Variants in DERA observed in about 807,000 individuals in gnomAD.
The protein encoded by DERA is deoxyribose-phosphate aldolase.
DERA carries 15 observed loss-of-function variants against 41.1 expected under a neutral mutation model. That is an observed-to-expected ratio of 0.37 (90% CI 0.24 to 0.56). DERA has a LOEUF of 0.56. DERA is among the 20% of genes least tolerant of loss of function. The pLI, the probability that DERA is intolerant of heterozygous loss-of-function variation, is 0.81. For missense variants in DERA, 396 were observed against 403.4 expected (o/e 0.98, Z 0.16); for synonymous variants, 139 against 137.4 (o/e 1.01, Z -0.08).
Position 15,935,013 on chromosome 12 carries a change from C to T in DERA, c.32-21923C>T, listed in dbSNP as rs1948355016. Among the ~76,000 whole-genome samples the T allele has an allele frequency of 6.6e-6, 1 of 152,116 alleles. No individual in the cohort carries two copies. Among genetic ancestry groups the T allele is most frequent in the Admixed American group, 6.6e-5 (1 of 15,262 alleles). On this transcript the variant is annotated intron_variant, in intron 1 of 8. Transcript: ENST00000428559. This position sits in a 1 kb window ranked among gnomAD's most constrained non-coding sequence, Gnocchi z 4.8. ...AGAGAGGTCAGTCATTGGTTGACAC[C>T]ACTTTTTTTATAGCAAATATTTCCA...
rs1365337438 is a variant in DERA at position 15,994,508 on chromosome 12, C to T, written c.637+12072C>T. Among the ~76,000 whole-genome samples the T allele has an allele frequency of 6.6e-6, 1 of 152,200 alleles. No homozygotes were observed. Among genetic ancestry groups the T allele is most frequent in the Non-Finnish European group, 1.5e-5 (1 of 68,038 alleles). On this transcript the variant is annotated intron_variant, in intron 6 of 8. Coordinates refer to ENST00000428559, the MANE Select transcript of DERA (RefSeq NM_015954.4). This position sits in a 1 kb window ranked among gnomAD's most constrained non-coding sequence, Gnocchi z 4.8. ...TCGTTCTGTCGCCCAGGCTGGAGTG[C>T]AGTGGCGCGATCTCTGCTCACTGCA...
intron 5 of DERA, among the ~76,000 whole-genome samples, chr12:15,974,616 T>G (rs751166573): frequency 4.6e-5 from 7 of 152,214 alleles, no homozygotes; most frequent in Non-Finnish European, 7.3e-5. Flanking sequence ...TTCTGCCAAG[T>G]TTCTCCATTG....
In DERA at chr12:15,989,986, G is replaced by A. The variant is rs1484041581; in HGVS notation, c.637+7550G>A. The stretch of plus-strand genomic sequence containing the variant: ...TCTGTCTTGCATATTTTGTGACCTT[G>A]AACAAATAAATTAATCTGGTTATCA... On this transcript the variant is annotated intron_variant, in intron 6 of 8. Coordinates refer to ENST00000428559, the MANE Select transcript of DERA (RefSeq NM_015954.4). This position sits in a 1 kb window ranked among gnomAD's most constrained non-coding sequence, Gnocchi z 5.2. Among the ~76,000 whole-genome samples, 1 of 152,178 alleles carries A rather than the reference G, an allele frequency of 6.6e-6. No individual in the cohort carries two copies. Among genetic ancestry groups the A allele is most frequent in the African/African-American group, 2.4e-5 (1 of 41,440 alleles).
At position 15,957,267 on chromosome 12, in the gene DERA, G is replaced by T. The variant is rs780823124; in HGVS notation, c.129+234G>T. ...GAGTGGCAAAACCGCAAATGAATTT[G>T]AGGCATCTTTATTCATGAGTGAATT... On this transcript the variant is annotated intron_variant, in intron 2 of 8. Transcript: ENST00000428559. This position sits in a 1 kb window ranked among gnomAD's most constrained non-coding sequence, Gnocchi z 4.8. Among the ~76,000 whole-genome samples, 1 of 152,186 alleles carries T rather than the reference G, an allele frequency of 6.6e-6. No individual in the cohort carries two copies. Among genetic ancestry groups the T allele is most frequent in the Admixed American group, 6.5e-5 (1 of 15,288 alleles).
intron 1 of DERA, among the ~76,000 whole-genome samples, chr12:15,947,097 G>C (rs558253852): frequency 6.6e-6 from 1 of 151,398 alleles, no homozygotes; most frequent in Non-Finnish European, 1.5e-5. Context: ...GAGACAGTTT[G>C]TTATAATTTC....
chr12:15,933,964 A>C (rs967833596), intron 1 of DERA, among the ~76,000 whole-genome samples: 1 of 152,088 alleles, frequency 6.6e-6, no homozygotes, highest in Non-Finnish European at 1.5e-5. Context: ...CCTTTTTGTC[A>C]GTGATTGCCT....
At chr12:15,977,406 C>G (rs938482549) in intron 5 of DERA, among the ~76,000 whole-genome samples, 4 of 152,106 alleles carry the variant, frequency 2.6e-5, no homozygotes, top group Non-Finnish European at 4.4e-5. Flanking sequence ...TATAACTGAC[C>G]CACAGTAAGA....
At chr12:16,015,971 C>T (rs1222453091) in intron 6 of DERA, among the ~76,000 whole-genome samples, 1 of 151,988 alleles carries the variant, frequency 6.6e-6, no homozygotes, top group Admixed American at 6.5e-5. Flanking sequence ...ATAAAGTTTA[C>T]CCTTTAAACT....
At chr12:15,925,855 T>C (rs1948278560) in intron 1 of DERA, among the ~76,000 whole-genome samples, 1 of 121,388 alleles carries the variant, frequency 8.2e-6, no homozygotes, top group African/African-American at 3.3e-5. Flanking sequence ...TGAGACAGAG[T>C]CTTACTCTGT....
intron 1 of DERA, among the ~76,000 whole-genome samples, chr12:15,942,759 A>G (rs1015428838): frequency 6.0e-4 from 91 of 152,252 alleles, no homozygotes; most frequent in African/African-American, 2.0e-3. Context: ...AAGTAACACT[A>G]TTCACTGCAC....
chr12:15,996,243 A>C lies in DERA; in HGVS notation c.637+13807A>C, dbSNP rs1420232139. Among the ~76,000 whole-genome samples, 1 of 151,224 alleles carries C rather than the reference A, an allele frequency of 6.6e-6. No homozygotes were observed. Among genetic ancestry groups the C allele is most frequent in the African/African-American group, 2.4e-5 (1 of 41,182 alleles). ...TATACACAGGGCCCCAAAATATAGAAAACATGGGAAAAGAGGAGTGTATTA... is the reference window on the plus strand; with the variant it reads ...TATACACAGGGCCCCAAAATATAGACAACATGGGAAAAGAGGAGTGTATTA... On this transcript the variant is annotated intron_variant, in intron 6 of 8. Transcript: ENST00000428559. This position sits in a 1 kb window ranked among gnomAD's most constrained non-coding sequence, Gnocchi z 4.7.
intron 1 of DERA, among the ~76,000 whole-genome samples, chr12:15,926,759 A>AG (rs1948289285): frequency 6.6e-6 from 1 of 151,244 alleles, no homozygotes; most frequent in African/African-American, 2.4e-5. Context: ...AAAAAAAAAA[A>AG]AAGAAACAAG....
rs2136124890 is a variant in DERA, at chr12:15,921,626, T to C, written c.31+10212T>C. On this transcript the variant is annotated intron_variant, in intron 1 of 8. Coordinates refer to ENST00000428559, the MANE Select transcript of DERA (RefSeq NM_015954.4). The surrounding 1 kb of genome is among the most constrained non-coding windows in gnomAD (Gnocchi z 5.3). ...TAGCAAGAAACTTAAGTGCTTCTAATAATTTTCCAAAGAGGCCAGGCATGG... is the reference window on the plus strand; with the variant it reads ...TAGCAAGAAACTTAAGTGCTTCTAACAATTTTCCAAAGAGGCCAGGCATGG... 6.6e-6 allele frequency among the ~76,000 whole-genome samples: 1 copy of C among 152,196 alleles called. No homozygotes were observed. Among genetic ancestry groups the C allele is most frequent in the East Asian group, 1.9e-4 (1 of 5,176 alleles).
Position 15,970,856 on chromosome 12 carries a change from A to C in DERA, c.508+7909A>C, listed in dbSNP as rs1025034124. 6.6e-6 allele frequency among the ~76,000 whole-genome samples: 1 copy of C among 152,226 alleles called. No individual in the cohort carries two copies. Among genetic ancestry groups the C allele is most frequent in the Non-Finnish European group, 1.5e-5 (1 of 68,040 alleles). On this transcript the variant is annotated intron_variant, in intron 5 of 8. Transcript: ENST00000428559. This position sits in a 1 kb window ranked among gnomAD's most constrained non-coding sequence, Gnocchi z 4.3. ...CCACCAAAGCAACATGAAAAAACCT[A>C]ATGTCTAGTTTTAGCTTCTGGGGAT...
In DERA at chr12:15,967,420, TCAAA is replaced by T. The variant is rs534718853; in HGVS notation, c.508+4494_508+4497del. On this transcript the variant is annotated intron_variant, in intron 5 of 8. Transcript: ENST00000428559. This position sits in a 1 kb window ranked among gnomAD's most constrained non-coding sequence, Gnocchi z 4.9. ...CTGAGCAAGAGAGTGAGACCCTGTC[TCAAA>T]CAAACAAACAAACAAACAAAAACTA... Among the ~76,000 whole-genome samples, 6 of 152,134 alleles carry T rather than the reference TCAAA, an allele frequency of 3.9e-5. No individual in the cohort carries two copies. Among genetic ancestry groups the T allele is most frequent in the East Asian group, 1.9e-4 (1 of 5,188 alleles).
At chr12:15,945,858 G>T (rs1261037005) in intron 1 of DERA, among the ~76,000 whole-genome samples, 2 of 152,140 alleles carry the variant, frequency 1.3e-5, no homozygotes, top group Non-Finnish European at 2.9e-5. Context: ...TATGATATTG[G>T]CTGTGAGTTT....
Position 15,957,114 on chromosome 12 carries a change from A to G in DERA, c.129+81A>G. 1.9e-6 allele frequency: 2 copies of G among 1,030,332 alleles called. No homozygotes were observed. Among genetic ancestry groups the G allele is most frequent in the East Asian group, 2.5e-5 (1 of 39,926 alleles). The allele number at this position is 1,030,332 out of a possible 1,614,324, so 63.8% of individuals were successfully genotyped here. On this transcript the variant is annotated intron_variant, in intron 2 of 8. Transcript: ENST00000428559. This position sits in a 1 kb window ranked among gnomAD's most constrained non-coding sequence, Gnocchi z 4.8. Reference sequence around the variant, plus strand: ...CCTCAAGGCCACAATATTGAATTTCACTCAAGATGCATCTAAACTTAAAAG... The same window carrying G: ...CCTCAAGGCCACAATATTGAATTTCGCTCAAGATGCATCTAAACTTAAAAG...
rs1948808342 is a variant in DERA at position 15,992,408 on chromosome 12, A to G, written c.637+9972A>G. Among the ~76,000 whole-genome samples, 1 of 152,166 alleles carries G rather than the reference A, an allele frequency of 6.6e-6. No homozygotes were observed. Among genetic ancestry groups the G allele is most frequent in the African/African-American group, 2.4e-5 (1 of 41,460 alleles). On this transcript the variant is annotated intron_variant, in intron 6 of 8. Coordinates refer to ENST00000428559, the MANE Select transcript of DERA (RefSeq NM_015954.4). This position sits in a 1 kb window ranked among gnomAD's most constrained non-coding sequence, Gnocchi z 4.3. ...GGATATTGTATTTCTAAAGCAATGT[A>G]AGGTATGACAAGGATATTAATGATC...
Position 16,037,063 on chromosome 12 carries a change from A to G in DERA, c.*317A>G, listed in dbSNP as rs963956432. 6 of 266,834 alleles carry G rather than the reference A, an allele frequency of 2.2e-5. No homozygotes were observed. The highest frequency in any genetic ancestry group is 3.5e-5 in the Non-Finnish European group (5 of 143,100). The allele number at this position is 266,834 out of a possible 1,614,324, so 16.5% of individuals were successfully genotyped here. On this transcript the variant is annotated 3_prime_UTR_variant, in exon 9 of 9. Coordinates refer to ENST00000428559, the MANE Select transcript of DERA (RefSeq NM_015954.4). This position sits in a 1 kb window ranked among gnomAD's most constrained non-coding sequence, Gnocchi z 6.7. ...AAATTCTAAGGGAGAAAAAAACAATATTAAACCGCCCAAGCAGTGTGCCCT... is the reference window on the plus strand; with the variant it reads ...AAATTCTAAGGGAGAAAAAAACAATGTTAAACCGCCCAAGCAGTGTGCCCT...
Sources: allele counts gnomAD v4.1 joint callset (sites outside exome capture counted in the v4.1 genomes callset), GRCh38; gene constraint gnomAD v4.1.1; non-coding constraint Gnocchi (gnomAD v3.1); transcripts MANE v1.5; gene names NCBI Gene and HGNC (gene_info 2026-07-23, HGNC 2026-07-21).